MMP16: variants seen among roughly 807,000 people sequenced by gnomAD.
MMP16 encodes the protein matrix metallopeptidase 16, also known as matrix metalloproteinase-16.
Under a neutral mutation model 67.8 loss-of-function variants are expected in MMP16, and 12 were observed. That is an observed-to-expected ratio of 0.18 (90% CI 0.11 to 0.29). The LOEUF (loss-of-function observed/expected upper bound fraction) is 0.29, where lower values mean the gene tolerates loss of function less well. Ranked by LOEUF, MMP16 falls within the 10% of genes least tolerant of loss-of-function variation. The pLI is 1.00. For missense variants in MMP16, 475 were observed against 765.7 expected, an observed-to-expected ratio of 0.62 and a Z score of 4.48; for synonymous variants, 249 against 255.9, an observed-to-expected ratio of 0.97 and a Z score of 0.26.
intron 4 of MMP16, among the ~76,000 whole-genome samples, chr8:88,155,516 T>C (rs1808493865): frequency 6.6e-6 from 1 of 152,138 alleles, no homozygotes; most frequent in Non-Finnish European, 1.5e-5. Flanking sequence ...CATTTTAGAA[T>C]TGGATATTTT....
chr8:88,135,380 AATAG>A (rs1466825499), intron 4 of MMP16, among the ~76,000 whole-genome samples: 1 of 151,810 alleles, frequency 6.6e-6, no homozygotes, highest in African/African-American at 2.4e-5. Context: ...TTAAGTCTAT[AATAG>A]ATAGATAGGT....
In MMP16 at chr8:88,239,793, G is replaced by A. The variant is rs534650704; in HGVS notation, c.133-42487C>T. ...CCACGTGTTGTTTTTGCCTTCAGTT[G>A]AAATAAAAGTCAAAAATTAACACTG... On this transcript the variant is annotated intron_variant, in intron 1 of 9. Transcript: ENST00000286614. Among the ~76,000 whole-genome samples, 26 of 152,204 alleles carry A rather than the reference G, an allele frequency of 1.7e-4. No homozygotes were observed. The East Asian group carries it at 3.3e-3, about 19-fold the overall frequency.
chr8:88,292,669 A>G (rs1047829397), intron 1 of MMP16, among the ~76,000 whole-genome samples: 1 of 152,210 alleles, frequency 6.6e-6, no homozygotes, highest in African/African-American at 2.4e-5. Flanking sequence ...CATCCGGATA[A>G]TTAAACAGTT....
intron 9 of MMP16, among the ~76,000 whole-genome samples, chr8:88,045,907 T>C (rs578249722): frequency 6.6e-6 from 1 of 152,350 alleles, no homozygotes; most frequent in South Asian, 2.1e-4. Context: ...ATGAGGTAAA[T>C]ATTTTTCTCT....
chr8:88,235,333 A>G (rs2129883338), intron 1 of MMP16, among the ~76,000 whole-genome samples: 1 of 150,460 alleles, frequency 6.6e-6, no homozygotes, highest in Admixed American at 6.7e-5. Flanking sequence ...CGGAGGTTGC[A>G]GTGAGCTGAG....
intron 2 of MMP16, among the ~76,000 whole-genome samples, chr8:88,194,318 T>TTA: frequency 6.6e-6 from 1 of 152,040 alleles, no homozygotes; most frequent in Non-Finnish European, 1.5e-5. Flanking sequence ...GGTTAAGACA[T>TTA]TATATTAATA....
chr8:88,142,982 A>G (rs1586172622), intron 4 of MMP16, among the ~76,000 whole-genome samples: 2 of 152,152 alleles, frequency 1.3e-5, no homozygotes, highest in East Asian at 3.9e-4. Context: ...TATGAAATGG[A>G]GATGTATGGA....
intron 4 of MMP16, among the ~76,000 whole-genome samples, chr8:88,163,020 G>A (rs932283702): frequency 2.0e-5 from 3 of 151,906 alleles, no homozygotes; most frequent in Non-Finnish European, 2.9e-5. Flanking sequence ...AATTTTGTAG[G>A]CCTCTAAGAA....
intron 1 of MMP16, among the ~76,000 whole-genome samples, chr8:88,324,291 T>C (rs1309437687): frequency 6.6e-6 from 1 of 152,136 alleles, no homozygotes; most frequent in Admixed American, 6.5e-5. Context: ...CTCACTTCGA[T>C]AATTGACAAC....
chr8:88,129,566 G>A (rs553410211), intron 4 of MMP16, among the ~76,000 whole-genome samples: 109 of 151,334 alleles, frequency 7.2e-4, no homozygotes, highest in African/African-American at 2.4e-3. Flanking sequence ...GGAAGAGCCT[G>A]TTTTGCCAAA....
intron 1 of MMP16, among the ~76,000 whole-genome samples, chr8:88,257,849 C>T (rs1810328009): frequency 6.6e-6 from 1 of 152,070 alleles, no homozygotes; most frequent in South Asian, 2.1e-4. Context: ...TAAGTATTTG[C>T]AACATTTACT....
chr8:88,114,838 C>T (rs1335399775), intron 6 of MMP16, among the ~76,000 whole-genome samples: 5 of 151,836 alleles, frequency 3.3e-5, no homozygotes, highest in African/African-American at 9.7e-5. Flanking sequence ...TTTTTATATA[C>T]CTGTTTTGAT....
chr8:88,296,161 C>A (rs1811010311), intron 1 of MMP16, among the ~76,000 whole-genome samples: 1 of 152,044 alleles, frequency 6.6e-6, no homozygotes, highest in Non-Finnish European at 1.5e-5. Context: ...CGATTATTCG[C>A]CAGCTTCTAC....
At chr8:88,304,181 G>A (rs762339903) in intron 1 of MMP16, among the ~76,000 whole-genome samples, 12 of 152,182 alleles carry the variant, frequency 7.9e-5, no homozygotes, top group Non-Finnish European at 1.8e-4. Flanking sequence ...AATAGACTAA[G>A]TGGGGAAAGG....
intron 3 of MMP16, among the ~76,000 whole-genome samples, chr8:88,185,285 C>A (rs1263484282): frequency 6.6e-6 from 1 of 151,914 alleles, no homozygotes. Flanking sequence ...ACGGGGAAAT[C>A]CTGTGTCTAC....
chr8:88,326,496 C>T (rs1351284684), intron 1 of MMP16, among the ~76,000 whole-genome samples: 1 of 151,928 alleles, frequency 6.6e-6, no homozygotes, highest in Non-Finnish European at 1.5e-5. Flanking sequence ...AGATGGATTT[C>T]ATGTCCTCTG....
chr8:88,139,744 A>G (rs1808181202), intron 4 of MMP16, among the ~76,000 whole-genome samples: 1 of 152,114 alleles, frequency 6.6e-6, no homozygotes, highest in Non-Finnish European at 1.5e-5. Context: ...AGTAATTTGT[A>G]TACATTTTCC....
intron 4 of MMP16, among the ~76,000 whole-genome samples, chr8:88,145,898 G>A (rs893387292): frequency 6.6e-6 from 1 of 151,924 alleles, no homozygotes; most frequent in African/African-American, 2.4e-5. Flanking sequence ...TAGAGGCCAG[G>A]AATATTGCTA....
intron 1 of MMP16, among the ~76,000 whole-genome samples, chr8:88,271,834 A>G (rs1810568201): frequency 6.6e-6 from 1 of 152,192 alleles, no homozygotes; most frequent in Non-Finnish European, 1.5e-5. Context: ...ACACATGAGA[A>G]CTTGGTAGAT....
Sources: allele counts gnomAD v4.1 joint callset (sites outside exome capture counted in the v4.1 genomes callset), GRCh38; gene constraint gnomAD v4.1.1; transcripts MANE v1.5; gene names NCBI Gene and HGNC (gene_info 2026-07-23, HGNC 2026-07-21).